Variants in UTP15 observed in about 807,000 individuals in gnomAD.
UTP15 encodes the protein U3 small nucleolar RNA-associated protein 15 homolog.
UTP15 carries 5 observed loss-of-function variants against 59.1 expected under a neutral mutation model. The observed-to-expected ratio is 0.08, with a 90% CI of 0.04 to 0.18. The LOEUF (loss-of-function observed/expected upper bound fraction) is 0.18. Among genes scored for constraint, UTP15 ranks in the 10% least tolerant of loss-of-function variants. The pLI is 1.00. For synonymous variants in UTP15, 211 were observed against 212.2 expected, an observed-to-expected ratio of 0.99 and a Z score of 0.05; for missense variants, 494 against 616.7, an observed-to-expected ratio of 0.80 and a Z score of 2.11.
intron 7 of UTP15, among the ~76,000 whole-genome samples, chr5:73,575,372 G>A (rs908025173): frequency 6.6e-6 from 1 of 152,108 alleles, no homozygotes; most frequent in Non-Finnish European, 1.5e-5. Context: ...TCTTGAGAAA[G>A]TATTGTTTTT....
At chr5:73,567,960 A>T (rs1447227669) in intron 2 of UTP15, among the ~76,000 whole-genome samples, 1 of 152,178 alleles carries the variant, frequency 6.6e-6, no homozygotes, top group East Asian at 1.9e-4. Flanking sequence ...TGTAGACATG[A>T]TAACTTTTTT....
At chr5:73,565,951 C>G (rs1233394051) in intron 1 of UTP15, 39 bp downstream of exon 1, 3 of 452,518 alleles carry the variant, frequency 6.6e-6, no homozygotes, top group Non-Finnish European at 1.3e-5. Context: ...AGCCCACACT[C>G]ACACCCGGCC....
Position 73,577,008 on chromosome 5 carries a change from C to G in UTP15, c.866C>G (p.Ala289Gly). The change falls in exon 8 of 13, where the codon GCA becomes GGA. Residue 289 changes from alanine (A) to glycine (G), a missense_variant. Ala to Gly is a moderately conservative substitution (Grantham distance 60). Coordinates refer to ENST00000296792, the MANE Select transcript of UTP15 (RefSeq NM_032175.4). Reference protein sequence around the residue: ...SYKVVHSFDYAASILSLALAH... With the variant: ...SYKVVHSFDYGASILSLALAH... ...AAAGTAGTCCACAGTTTTGATTATG[C>G]AGCTTCAATTTTGAGTCTTGCCCTT... The G allele has an allele frequency of 1.2e-6, 2 of 1,611,076 alleles. No homozygotes were observed. Among genetic ancestry groups the G allele is most frequent in the Non-Finnish European group, 1.7e-6 (2 of 1,179,116 alleles).
rs774185951 is a variant in UTP15 at position 73,568,386 on chromosome 5, G to A, written c.184-34G>A. ...TTGTATAGTTTACTACTGATCTTGA[G>A]CCATCTGGTGAAATACTGTTTTTCA... On this transcript the variant is annotated intron_variant, in intron 3 of 12. Transcript: ENST00000296792. The A allele has an allele frequency of 6.9e-6, 11 of 1,598,070 alleles. No individual in the cohort carries two copies. In the East Asian group the frequency reaches 2.5e-4, roughly 36 times the overall value.
chr5:73,575,247 G>A (rs959394431), intron 7 of UTP15, among the ~76,000 whole-genome samples: 2 of 152,080 alleles, frequency 1.3e-5, no homozygotes, highest in Non-Finnish European at 2.9e-5. Context: ...CATGTTACTC[G>A]GCAATTTGGG....
At chr5:73,571,632 A>G (rs1747934792) in intron 6 of UTP15, among the ~76,000 whole-genome samples, 1 of 148,320 alleles carries the variant, frequency 6.7e-6, no homozygotes, top group Non-Finnish European at 1.5e-5. Context: ...CCCAGTACCT[A>G]TTTGATTTAA....
Position 73,579,373 on chromosome 5 carries a change from T to G in UTP15, c.1337T>G (p.Ile446Ser). The G allele has an allele frequency of 6.2e-7, 1 of 1,604,416 alleles. No individual in the cohort carries two copies. The part of the protein sequence containing the change: ...PVLINAAEII[I>S]DIYLPVIGQS... ...TTAATCAATGCTGCTGAAATAATTATTGGTAAGTCATTGTTAAAACTTGAA... is the reference window on the plus strand; with the variant it reads ...TTAATCAATGCTGCTGAAATAATTAGTGGTAAGTCATTGTTAAAACTTGAA... Residue 446 changes from isoleucine (I) to serine (S), a missense_variant and splice_region_variant, in exon 12 of 13, where the codon ATT (isoleucine) becomes AGT (serine). Ile to Ser is a moderately radical substitution (Grantham distance 142). Transcript: ENST00000296792.
intron 8 of UTP15, 42 bp downstream of exon 8, chr5:73,577,078 C>A: frequency 7.0e-7 from 1 of 1,426,940 alleles, no homozygotes; most frequent in Non-Finnish European, 9.6e-7. Flanking sequence ...ACTAACCCTG[C>A]CTGTTAAATG....
chr5:73,579,354 A>G lies in UTP15; in HGVS notation c.1318A>G (p.Asn440Asp), dbSNP rs1380085776. ...SQPRFAPVLI[N>D]AAEIIIDIYL... ...GCCAAGATTTGCCCCTGTTTTAATC[A>G]ATGCTGCTGAAATAATTATTGGTAA... The change falls in exon 12 of 13, where the codon AAT (asparagine) becomes GAT (aspartate). Residue 440 changes from asparagine to aspartate, a missense_variant. Physicochemically the swap from Asn to Asp is conservative, Grantham distance 23 (BLOSUM62 1). Coordinates refer to ENST00000296792, the MANE Select transcript of UTP15 (RefSeq NM_032175.4). 2 of 1,609,270 alleles carry G rather than the reference A, an allele frequency of 1.2e-6. No homozygotes were observed. Among genetic ancestry groups the G allele is most frequent in the East Asian group, 4.5e-5 (2 of 44,766 alleles).
chr5:73,568,537 G>A lies in UTP15; in HGVS notation c.301G>A (p.Asp101Asn), dbSNP rs892951884. 1.2e-6 allele frequency: 2 copies of A among 1,614,146 alleles called. No individual in the cohort carries two copies. The highest frequency in any genetic ancestry group is 1.7e-6 in the Non-Finnish European group (2 of 1,179,974). The change falls in exon 4 of 13, where the codon GAT becomes AAT. Residue 101 changes from aspartate (D) to asparagine (N), a missense_variant. Asp to Asn is a conservative substitution (Grantham distance 23, BLOSUM62 1). Transcript: ENST00000296792. ...TAGATTGCTTGTGGCTGGCAGTGAAGATGGTGGAGTTCAACTTTTTGATAT... is the reference window on the plus strand; with the variant it reads ...TAGATTGCTTGTGGCTGGCAGTGAAAATGGTGGAGTTCAACTTTTTGATAT... ...DGRLLVAGSE[D>N]GGVQLFDISG...
intron 7 of UTP15, among the ~76,000 whole-genome samples, chr5:73,572,977 TA>T (rs1380726004): frequency 6.6e-6 from 1 of 152,050 alleles, no homozygotes; most frequent in Non-Finnish European, 1.5e-5. Context: ...TTTTTATTTT[TA>T]GTAGAGACGG....
rs532483026 is a variant in UTP15, at chr5:73,579,968, A to G, written c.1431A>G (p.Gln477=). Residue 477 remains glutamine (Q), a synonymous_variant, in exon 13 of 13, where the codon CAA becomes CAG. Transcript: ENST00000296792. ...TTGTAGAAAAAGAGATTGATTACCA[A>G]AGAGAATTGTTAGAAACCTTGGGGA... The part of the protein sequence containing the change: ...QGLVEKEIDY[Q]RELLETLGMM... 16 of 1,613,916 alleles carry G rather than the reference A, an allele frequency of 9.9e-6. No homozygotes were observed. The highest frequency in any genetic ancestry group is 1.7e-4 in the Middle Eastern group (1 of 6,058).
At chr5:73,576,087 GT>G (rs11396356) in intron 7 of UTP15, among the ~76,000 whole-genome samples, 36 of 141,602 alleles carry the variant, frequency 2.5e-4, no homozygotes, top group South Asian at 4.5e-4. Context: ...CTGTCCTTCT[GT>G]TTTTTTTTTT....
At chr5:73,573,332 C>T (rs1747997238) in intron 7 of UTP15, among the ~76,000 whole-genome samples, 1 of 150,616 alleles carries the variant, frequency 6.6e-6, no homozygotes. Context: ...ACTGCAACCT[C>T]TGTCTCCCAG....
At chr5:73,568,036 A>G (rs1231910298) in intron 2 of UTP15, among the ~76,000 whole-genome samples, 199 bp from the exon 3 acceptor site, 2 of 152,188 alleles carry the variant, frequency 1.3e-5, no homozygotes, top group African/African-American at 2.4e-5. Flanking sequence ...CTTTCTAACC[A>G]TATGTTTATT....
chr5:73,574,353 C>T (rs1023949790), intron 7 of UTP15, among the ~76,000 whole-genome samples: 4 of 151,962 alleles, frequency 2.6e-5, no homozygotes, highest in African/African-American at 9.7e-5. Context: ...ATAAAAATTA[C>T]TGTCTCAGTT....
chr5:73,573,186 C>G (rs1218426425), intron 7 of UTP15, among the ~76,000 whole-genome samples: 2 of 151,714 alleles, frequency 1.3e-5, no homozygotes, highest in African/African-American at 4.8e-5. Context: ...GATAATCTTT[C>G]AAATAATGTT....
chr5:73,567,632 C>A, intron 2 of UTP15, 198 bp downstream of exon 2: 1 of 405,118 alleles, frequency 2.5e-6, no homozygotes. Context: ...ATCAGATTAA[C>A]CATACAAATG....
Position 73,578,777 on chromosome 5 carries a change from A to C in UTP15, c.1071A>C (p.Ala357=), listed in dbSNP as rs1332718144. ...QRDDILINRP[A]KKHLELYDRD... Reference sequence around the variant, plus strand: ...ATGACATTTTGATTAACAGGCCAGCAAAGAAGCACCTAGAATTGTATGACA... The same window carrying C: ...ATGACATTTTGATTAACAGGCCAGCCAAGAAGCACCTAGAATTGTATGACA... Residue 357 remains alanine (A), a synonymous_variant, in exon 10 of 13, where the codon GCA becomes GCC. Coordinates refer to ENST00000296792, the MANE Select transcript of UTP15 (RefSeq NM_032175.4). 6.2e-7 allele frequency: 1 copy of C among 1,613,806 alleles called. No individual in the cohort carries two copies. The highest frequency in any genetic ancestry group is 1.3e-5 in the African/African-American group (1 of 74,926).
Sources: allele counts gnomAD v4.1 joint callset (sites outside exome capture counted in the v4.1 genomes callset), GRCh38; gene constraint gnomAD v4.1.1; transcripts MANE v1.5; gene names NCBI Gene and HGNC (gene_info 2026-07-23, HGNC 2026-07-21).